ADK: variants seen among roughly 807,000 people sequenced by gnomAD.
ADK encodes adenosine kinase.
In ADK, 24 loss-of-function variants were observed where a neutral mutation model predicts 44.7. The ratio of observed to expected loss-of-function variants is 0.54; its 90% CI spans 0.39 to 0.76. ADK has a LOEUF of 0.76. Ranked by LOEUF, ADK falls within the 30% of genes least tolerant of loss-of-function variation. The pLI, the probability that ADK is intolerant of heterozygous loss-of-function variation, is 0.00. For missense variants in ADK, 321 were observed against 425.1 expected (o/e 0.76, Z 2.15); for synonymous variants, 128 against 142.6 (o/e 0.90, Z 0.73).
At chr10:74,378,077 T>C (rs1309756666) in intron 4 of ADK, among the ~76,000 whole-genome samples, 1 of 151,560 alleles carries the variant, frequency 6.6e-6, no homozygotes, top group East Asian at 1.9e-4. Flanking sequence ...ATCTATGAAA[T>C]GGAGATCATG....
chr10:74,702,525 T>G (rs555263570), intron 10 of ADK, among the ~76,000 whole-genome samples: 1 of 21,324 alleles, frequency 4.7e-5, no homozygotes, highest in East Asian at 1.1e-3. Flanking sequence ...CCTTCCTTCT[T>G]TCCTTCCTTC....
intron 6 of ADK, among the ~76,000 whole-genome samples, chr10:74,473,574 A>G (rs967056328): frequency 6.6e-6 from 1 of 152,216 alleles, no homozygotes; most frequent in Non-Finnish European, 1.5e-5. Context: ...TTTGTAGGAT[A>G]TCTTTCAATT....
At chr10:74,205,402 G>A (rs1014156900) in intron 2 of ADK, among the ~76,000 whole-genome samples, 13 of 152,056 alleles carry the variant, frequency 8.5e-5, no homozygotes, top group African/African-American at 2.9e-4. Context: ...AAGACTGGGC[G>A]TGGTGGCTCA....
intron 9 of ADK, among the ~76,000 whole-genome samples, chr10:74,662,574 C>T (rs1486056789): frequency 6.6e-6 from 1 of 152,170 alleles, no homozygotes; most frequent in Non-Finnish European, 1.5e-5. Flanking sequence ...AGCCACTGTG[C>T]CCAGCAATAT....
intron 6 of ADK, chr10:74,423,690 G>T: frequency 2.3e-6 from 1 of 442,662 alleles, no homozygotes. Context: ...CAAGTACAGT[G>T]ACAATGTTGG....
chr10:74,216,899 C>T lies in ADK; in HGVS notation c.141-7639C>T, dbSNP rs534679296. ...AAAAAGTGAGAGGAGCCCAGATGGC[C>T]GAATAGGAACAGCTCCGGTCTACAG... On this transcript the variant is annotated intron_variant, in intron 2 of 10. Transcript: ENST00000539909. Among the ~76,000 whole-genome samples the T allele has an allele frequency of 2.4e-3, 369 of 152,154 alleles. 2 individuals are homozygous for T. Among genetic ancestry groups the T allele is most frequent in the African/African-American group, 8.4e-3 (350 of 41,490 alleles).
intron 4 of ADK, among the ~76,000 whole-genome samples, chr10:74,360,983 C>A (rs1216071770): frequency 6.6e-6 from 1 of 152,044 alleles, no homozygotes; most frequent in Non-Finnish European, 1.5e-5. Context: ...TCTCGGCTCA[C>A]TGCAACCTCC....
At chr10:74,410,596 G>A (rs557506828) in intron 6 of ADK, among the ~76,000 whole-genome samples, 2 of 152,140 alleles carry the variant, frequency 1.3e-5, no homozygotes, top group South Asian at 2.1e-4. Context: ...TAGGAGAATC[G>A]CTCAAACCCA....
At chr10:74,220,003 A>G (rs1844232916) in intron 2 of ADK, among the ~76,000 whole-genome samples, 1 of 149,612 alleles carries the variant, frequency 6.7e-6, no homozygotes, top group Non-Finnish European at 1.5e-5. Context: ...AGCAGAAGGC[A>G]AGAAATAACT....
At chr10:74,575,735 A>G (rs1851161478) in intron 7 of ADK, among the ~76,000 whole-genome samples, 2 of 152,186 alleles carry the variant, frequency 1.3e-5, no homozygotes, top group Admixed American at 6.5e-5. Context: ...AACTTTTATC[A>G]GGAAGCAGTA....
intron 2 of ADK, among the ~76,000 whole-genome samples, chr10:74,216,724 C>CAAA (rs66939717): frequency 5.9e-5 from 8 of 135,186 alleles, no homozygotes; most frequent in African/African-American, 2.2e-4. Flanking sequence ...AACTCTGTCT[C>CAAA]AAAAAAAAAA....
chr10:74,658,136 T>A (rs1854561299), intron 9 of ADK, among the ~76,000 whole-genome samples: 1 of 151,996 alleles, frequency 6.6e-6, no homozygotes, highest in East Asian at 1.9e-4. Context: ...CATTGAAGAG[T>A]TTTTAACAGG....
intron 6 of ADK, among the ~76,000 whole-genome samples, chr10:74,468,361 A>C (rs1449012146): frequency 1.3e-5 from 2 of 152,184 alleles, no homozygotes; most frequent in African/African-American, 4.8e-5. Flanking sequence ...GTGCTCTCCA[A>C]ACCTTCATAA....
intron 10 of ADK, among the ~76,000 whole-genome samples, chr10:74,695,552 C>T (rs1017952061): frequency 4.0e-4 from 59 of 146,526 alleles, no homozygotes; most frequent in Non-Finnish European, 7.6e-4. Context: ...ATTCTATATA[C>T]AAAGCTGCTC....
chr10:74,493,861 T>C (rs1462460359), intron 6 of ADK, among the ~76,000 whole-genome samples: 29 of 152,158 alleles, frequency 1.9e-4, no homozygotes, highest in Admixed American at 1.9e-3. Flanking sequence ...AGTGAGATGA[T>C]GTAACAGCCA....
At chr10:74,535,642 G>A (rs1849424580) in intron 7 of ADK, among the ~76,000 whole-genome samples, 2 of 149,466 alleles carry the variant, frequency 1.3e-5, no homozygotes, top group South Asian at 4.3e-4. Context: ...GAGTGCAGTG[G>A]CACCATCACA....
chr10:74,449,490 AAT>A (rs1298284715), intron 6 of ADK, among the ~76,000 whole-genome samples: 1 of 152,232 alleles, frequency 6.6e-6, no homozygotes, highest in Non-Finnish European at 1.5e-5. Flanking sequence ...TGAAAAAAGA[AAT>A]AGAAAGTTCA....
chr10:74,185,676 CA>C (rs539050161), intron 1 of ADK, among the ~76,000 whole-genome samples: 20 of 143,742 alleles, frequency 1.4e-4, no homozygotes, highest in South Asian at 4.4e-4. Flanking sequence ...ACTAAAAATA[CA>C]AAAAAAAAAT....
In ADK at chr10:74,709,186, C is replaced by T. The variant is rs942587237; in HGVS notation, c.*741C>T. ...AAAGATCATTATTTAATACTGGGCC[C>T]TGAAATGACACCCAATTTGTTAATG... On this transcript the variant is annotated 3_prime_UTR_variant, in exon 11 of 11. Coordinates refer to ENST00000539909, the MANE Select transcript of ADK (RefSeq NM_006721.4). 3.9e-5 allele frequency: 6 copies of T among 152,110 alleles called. No homozygotes were observed. The highest frequency in any genetic ancestry group is 5.9e-5 in the Non-Finnish European group (4 of 68,016). The allele number at this position is 152,110 out of a possible 1,614,324, so 9.4% of individuals were successfully genotyped here.
Sources: allele counts gnomAD v4.1 joint callset (sites outside exome capture counted in the v4.1 genomes callset), GRCh38; gene constraint gnomAD v4.1.1; transcripts MANE v1.5; gene names NCBI Gene and HGNC (gene_info 2026-07-23, HGNC 2026-07-21).